The following NDUFAF1 variants were observed in gnomAD, a reference collection of about 807,000 sequenced individuals.
NDUFAF1 encodes NADH:ubiquinone oxidoreductase complex assembly factor 1.
In NDUFAF1, 18 loss-of-function variants were observed where a neutral mutation model predicts 28.7. The ratio of observed to expected loss-of-function variants is 0.63; its 90% CI spans 0.43 to 0.93. The LOEUF (loss-of-function observed/expected upper bound fraction) is 0.93, where lower values mean the gene tolerates loss of function less well. NDUFAF1 is among the 40% of genes least tolerant of loss of function. The pLI, the probability that NDUFAF1 is intolerant of heterozygous loss-of-function variation, is 0.00. For missense variants in NDUFAF1, 404 were observed against 398.3 expected, an observed-to-expected ratio of 1.01 and a Z score of -0.12; for synonymous variants, 113 against 139.7, an observed-to-expected ratio of 0.81 and a Z score of 1.35.
chr15:41,395,107 T>C, intron 2 of NDUFAF1, 63 bp from the exon 3 acceptor site: 1 of 1,493,958 alleles, frequency 6.7e-7, no homozygotes, highest in South Asian at 1.2e-5. Flanking sequence ...ATGTGAGTCA[T>C]CACCAAGTCA....
chr15:41,390,903 G>C (rs910074107), intron 3 of NDUFAF1, among the ~76,000 whole-genome samples: 5 of 151,578 alleles, frequency 3.3e-5, no homozygotes, highest in African/African-American at 1.2e-4. Flanking sequence ...GTGGTGGTGG[G>C]CACCTGCAGT....
intron 2 of NDUFAF1, 122 bp downstream of exon 2, chr15:41,396,365 G>A: frequency 1.1e-6 from 1 of 924,050 alleles, no homozygotes; most frequent in Non-Finnish European, 1.6e-6. Context: ...CACAGGTGAG[G>A]TGCCAAATAT....
chr15:41,388,244 T>TA, intron 4 of NDUFAF1, among the ~76,000 whole-genome samples: 1 of 152,220 alleles, frequency 6.6e-6, no homozygotes. Context: ...GTAGGCATGC[T>TA]AAAAAATGAT....
rs147138191 is a variant in NDUFAF1 at position 41,399,918 on chromosome 15, A to G, written c.-82+2226T>C. On this transcript the variant is annotated intron_variant, in intron 1 of 4. Transcript: ENST00000260361. ...GCTGGGTGTGGTGACGGGCACCTAT[A>G]GGGTGGTGGCAAGCACCTATAATCC... is the stretch of plus-strand genomic sequence containing the variant. Among the ~76,000 whole-genome samples the G allele has an allele frequency of 3.7e-3, 539 of 144,422 alleles. 2 individuals are homozygous for G. The highest frequency in any genetic ancestry group is 0.013 in the African/African-American group (512 of 38,822). The allele number at this position is 144,422 out of a possible 152,430, so 94.7% of individuals were successfully genotyped here.
intron 3 of NDUFAF1, among the ~76,000 whole-genome samples, chr15:41,392,208 G>C (rs1030297670): frequency 6.6e-6 from 1 of 151,852 alleles, no homozygotes; most frequent in African/African-American, 2.4e-5. Context: ...GAGGAGCTGG[G>C]ACTACAGGCG....
rs1378297347 is a variant in NDUFAF1, at chr15:41,395,017, C to G, written c.601G>C (p.Asp201His). The change falls in exon 3 of 5, where the codon GAT becomes CAT. Residue 201 changes from aspartate (D) to histidine (H), a missense_variant. Physicochemically the swap from Asp to His is moderately conservative, Grantham distance 81. Coordinates refer to ENST00000260361, the MANE Select transcript of NDUFAF1 (RefSeq NM_016013.4). The part of the protein sequence containing the change: ...RGAFERKMSY[D>H]WSQFNTLYLR... ...TACAGAGTATTGAACTGGGACCAAT[C>G]GTAAGACATCTTCCTCTCAAAAGCA... 6 of 1,614,060 alleles carry G rather than the reference C, an allele frequency of 3.7e-6. No homozygotes were observed. The highest frequency in any genetic ancestry group is 5.1e-6 in the Non-Finnish European group (6 of 1,180,014).
intron 4 of NDUFAF1, 111 bp downstream of exon 4, chr15:41,388,337 C>A: frequency 1.2e-6 from 1 of 864,056 alleles, no homozygotes; most frequent in South Asian, 1.4e-5. Flanking sequence ...GAGCAGTGGC[C>A]CTGAGAAGAA....
At chr15:41,389,289 A>G (rs1360413426) in intron 3 of NDUFAF1, among the ~76,000 whole-genome samples, 2 of 133,570 alleles carry the variant, frequency 1.5e-5, no homozygotes, top group African/African-American at 5.8e-5. Flanking sequence ...ACGGTGTTTC[A>G]CCATGTTAGC....
At chr15:41,395,846 G>T (rs1482738159) in intron 2 of NDUFAF1, among the ~76,000 whole-genome samples, 1 of 151,602 alleles carries the variant, frequency 6.6e-6, no homozygotes, top group Non-Finnish European at 1.5e-5. Context: ...AGCACTCTGG[G>T]AGGCCAAGGG....
chr15:41,402,323 C>T lies in NDUFAF1; in HGVS notation c.-261G>A, dbSNP rs900260835. On this transcript the variant is annotated 5_prime_UTR_variant, in exon 1 of 5. It adds an upstream start codon to the 5' untranslated region. Coordinates refer to ENST00000260361, the MANE Select transcript of NDUFAF1 (RefSeq NM_016013.4). ...CCTTGGCGTATACCTCCCGCACTCA[C>T]GGCCTGGCCTCCGGAGGCTAGACGG... 10 of 453,992 alleles carry T rather than the reference C, an allele frequency of 2.2e-5. No individual in the cohort carries two copies. Among genetic ancestry groups the T allele is most frequent in the Non-Finnish European group, 3.5e-5 (8 of 226,790 alleles). The allele number at this position is 453,992 out of a possible 1,614,324, so 28.1% of individuals were successfully genotyped here.
chr15:41,391,486 G>A (rs1006558520), intron 3 of NDUFAF1, among the ~76,000 whole-genome samples: 1 of 151,558 alleles, frequency 6.6e-6, no homozygotes, highest in African/African-American at 2.4e-5. Context: ...TTAGCCGGGC[G>A]TTGTGGTACA....
At chr15:41,399,226 C>A (rs1242503242) in intron 1 of NDUFAF1, among the ~76,000 whole-genome samples, 3 of 151,768 alleles carry the variant, frequency 2.0e-5, no homozygotes, top group Non-Finnish European at 4.4e-5. Flanking sequence ...ATGGTGAAAC[C>A]CCTACAGAAA....
intron 3 of NDUFAF1, among the ~76,000 whole-genome samples, chr15:41,393,884 T>C (rs2050347150): frequency 6.6e-6 from 1 of 150,594 alleles, no homozygotes; most frequent in African/African-American, 2.4e-5. Flanking sequence ...AATTCTTGTA[T>C]TTTTAGTAGA....
Position 41,396,514 on chromosome 15 carries a change from G to A in NDUFAF1, c.546C>T (p.Tyr182=), listed in dbSNP as rs2050388363. 2 of 1,614,156 alleles carry A rather than the reference G, an allele frequency of 1.2e-6. No homozygotes were observed. The highest frequency in any genetic ancestry group is 2.7e-5 in the African/African-American group (2 of 75,032). The change falls in exon 2 of 5, where the codon TAC becomes TAT. Residue 182 remains tyrosine (Y), a synonymous_variant. Transcript: ENST00000260361. ...PQDGESTRSG[Y]CAMISRIPRG... ...TTGGAATCCTGGATATCATTGCACAGTACCCACTTCGGGTAGACTCCCCGT... is the reference window on the plus strand; with the variant it reads ...TTGGAATCCTGGATATCATTGCACAATACCCACTTCGGGTAGACTCCCCGT...
Position 41,396,922 on chromosome 15 carries a change from AG to A in NDUFAF1, c.137del (p.Pro46LeufsTer26). 6.2e-7 allele frequency: 1 copy of A among 1,613,864 alleles called. No homozygotes were observed. The highest frequency in any genetic ancestry group is 8.5e-7 in the Non-Finnish European group (1 of 1,179,918). On this transcript the variant is annotated frameshift_variant, in exon 2 of 5. Coordinates refer to ENST00000260361, the MANE Select transcript of NDUFAF1 (RefSeq NM_016013.4). LOFTEE classifies it high-confidence loss of function. ...SSSLQKPVAS[P>X]GKASSQRKTE... ...TCTTCCTCTGTGAGGAGGCTTTGCC[AG>A]GAGAAGCCACTGGTTTCTGAAGACT... is the stretch of plus-strand genomic sequence containing the variant.
intron 3 of NDUFAF1, among the ~76,000 whole-genome samples, chr15:41,390,438 T>C (rs2050301766): frequency 6.6e-6 from 1 of 152,152 alleles, no homozygotes; most frequent in South Asian, 2.1e-4. Context: ...AAAAATAGTA[T>C]TTTTGTGCCA....
chr15:41,401,195 T>C lies in NDUFAF1; in HGVS notation c.-82+949A>G, dbSNP rs150571432. Among the ~76,000 whole-genome samples, 155 of 151,736 alleles carry C rather than the reference T, an allele frequency of 1.0e-3. No individual in the cohort carries two copies. The East Asian group carries it at 0.026, about 26-fold the overall frequency. On this transcript the variant is annotated intron_variant, in intron 1 of 4. Coordinates refer to ENST00000260361, the MANE Select transcript of NDUFAF1 (RefSeq NM_016013.4). ...GTTGGCCAGAGTGGTCTCGAACTCC[T>C]GACCTCAGGTGATCCGCCTACATGG... is the stretch of plus-strand genomic sequence containing the variant.
In NDUFAF1 at chr15:41,394,863, ACCT is replaced by A. The variant is rs1208687639; in HGVS notation, c.752_754del (p.Glu251del). The A allele has an allele frequency of 2.5e-6, 4 of 1,613,332 alleles. No homozygotes were observed. The African/African-American group carries it at 5.4e-5, about 22-fold the overall frequency. On this transcript the variant is annotated inframe_deletion, in exon 3 of 5. Transcript: ENST00000260361. ...AATGAAGATTTATGCTGTTACCTTGACCTCCTGCCAGTAGGGTCCCCCGCGGGT... is the reference window on the plus strand; with the variant it reads ...AATGAAGATTTATGCTGTTACCTTGACCTGCCAGTAGGGTCCCCCGCGGGT...
Position 41,397,681 on chromosome 15 carries a change from C to A in NDUFAF1, c.-81-541G>T, listed in dbSNP as rs182914918. On this transcript the variant is annotated intron_variant, in intron 1 of 4. Coordinates refer to ENST00000260361, the MANE Select transcript of NDUFAF1 (RefSeq NM_016013.4). ...GGGTGTGGTGGCGGGCGCCTGTAGT[C>A]CCAGCTACTGGGGAGGCTGAAGCAG... Among the ~76,000 whole-genome samples, 327 of 151,520 alleles carry A rather than the reference C, an allele frequency of 2.2e-3. 6 individuals are homozygous for A. The highest frequency in any genetic ancestry group is 7.6e-3 in the African/African-American group (310 of 41,028).
Sources: allele counts gnomAD v4.1 joint callset (sites outside exome capture counted in the v4.1 genomes callset), GRCh38; gene constraint gnomAD v4.1.1; transcripts MANE v1.5; gene names NCBI Gene and HGNC (gene_info 2026-07-23, HGNC 2026-07-21).